The following ACOX1 variants were observed in gnomAD, a reference collection of about 807,000 sequenced individuals.
ACOX1 encodes the protein acyl-CoA oxidase 1.
Under a neutral mutation model 75.5 loss-of-function variants are expected in ACOX1, and 41 were observed. The observed-to-expected ratio is 0.54, with a 90% CI of 0.42 to 0.70. ACOX1 has a LOEUF of 0.70. Ranked by LOEUF, ACOX1 falls within the 30% of genes least tolerant of loss-of-function variation. ACOX1 has a pLI of 0.00. For missense variants in ACOX1, 630 were observed against 837.5 expected (o/e 0.75, Z 3.06); for synonymous variants, 303 against 298.8 (o/e 1.01, Z -0.15).
In ACOX1 at chr17:75,978,089, T is replaced by C. The variant is rs930287814; in HGVS notation, c.269+445A>G. 5.9e-5 allele frequency among the ~76,000 whole-genome samples: 9 copies of C among 151,944 alleles called. No homozygotes were observed. The highest frequency in any genetic ancestry group is 2.2e-4 in the African/African-American group (9 of 41,334). Reference sequence around the variant, plus strand: ...TATTTTTCACACATATAACTTTATTTATTTATTTATTTATTTATTTTTTGA... The same window carrying C: ...TATTTTTCACACATATAACTTTATTCATTTATTTATTTATTTATTTTTTGA... On this transcript the variant is annotated intron_variant, in intron 2 of 13. Coordinates refer to ENST00000293217, the MANE Select transcript of ACOX1 (RefSeq NM_004035.7). This position sits in a 1 kb window ranked among gnomAD's most constrained non-coding sequence, Gnocchi z 4.2.
rs548780787 is a variant in ACOX1 at position 75,949,201 on chromosome 17, C to A, written c.1728+16G>T. 2.2e-5 allele frequency: 35 copies of A among 1,614,072 alleles called. No homozygotes were observed. In the South Asian group the frequency reaches 3.4e-4, roughly 16 times the overall value. On this transcript the variant is annotated intron_variant, in intron 12 of 13. Coordinates refer to ENST00000293217, the MANE Select transcript of ACOX1 (RefSeq NM_004035.7). ...AAAACAACAACAAAAAAGACTTATA[C>A]TTAGAAAATACTGACCTGAAGGAAA...
chr17:75,949,858 C>G lies in ACOX1; in HGVS notation c.1338G>C (p.Lys446Asn). ...MKSYDQVHSG[K>N]LVCGMVSYLN... ...AATAGGACACCATGCCACACACCAA[C>G]TTTCCTGAGTGCACCTGATCATAAC... Residue 446 changes from lysine (K) to asparagine (N), a missense_variant, in exon 10 of 14, where the codon AAG becomes AAC. Physicochemically the swap from Lys to Asn is moderately conservative, Grantham distance 94. Coordinates refer to ENST00000293217, the MANE Select transcript of ACOX1 (RefSeq NM_004035.7). The G allele has an allele frequency of 6.2e-7, 1 of 1,614,236 alleles. No homozygotes were observed. Among genetic ancestry groups the G allele is most frequent in the Non-Finnish European group, 8.5e-7 (1 of 1,180,044 alleles).
chr17:75,948,883 A>C (rs2065747678), intron 12 of ACOX1, among the ~76,000 whole-genome samples: 3 of 140,332 alleles, frequency 2.1e-5, no homozygotes, highest in Non-Finnish European at 4.6e-5. Context: ...TTTTTGAGAC[A>C]GAGTATTGCT....
In ACOX1 at chr17:75,965,295, C is replaced by A. The variant is rs979437019; in HGVS notation, c.270-4920G>T. On this transcript the variant is annotated intron_variant, in intron 2 of 13. Transcript: ENST00000293217. ...GGAGCTGGCAGTGAGCCGAGATCGCCCCACTGCACTCCAGCCTGGGCGACA... is the reference window on the plus strand; with the variant it reads ...GGAGCTGGCAGTGAGCCGAGATCGCACCACTGCACTCCAGCCTGGGCGACA... Among the ~76,000 whole-genome samples the A allele has an allele frequency of 4.1e-5, 6 of 148,018 alleles. No homozygotes were observed. In the South Asian group the frequency reaches 1.3e-3, roughly 32 times the overall value.
chr17:75,956,910 C>CCCCT (rs1229000284), intron 4 of ACOX1, among the ~76,000 whole-genome samples: 3 of 25,036 alleles, frequency 1.2e-4, no homozygotes, highest in South Asian at 1.7e-3. Context: ...GCCTGGCTTT[C>CCCCT]CTCTCTCTCT....
In ACOX1 at chr17:75,957,480, T is replaced by C. The variant is rs748380621; in HGVS notation, c.517A>G (p.Ile173Val). 9.9e-6 allele frequency: 16 copies of C among 1,614,092 alleles called. No homozygotes were observed. Among genetic ancestry groups the C allele is most frequent in the East Asian group, 4.5e-5 (2 of 44,886 alleles). Residue 173 changes from isoleucine to valine, a missense_variant, in exon 4 of 14, where the codon ATT becomes GTT. Ile to Val is a conservative substitution (Grantham distance 29). This residue lies in a region of ACOX1 where 390 missense variants were observed against 574.9 expected (regional missense o/e 0.68). Coordinates refer to ENST00000293217, the MANE Select transcript of ACOX1 (RefSeq NM_004035.7). ...FILNSPTVTS[I>V]KWWPGGLGKT... ...TTACGCCCACCAGGCCACCATTTAA[T>C]GGAGGTCACAGTAGGACTGTTGAGA...
chr17:75,958,352 CAA>C (rs1279952402), intron 3 of ACOX1, among the ~76,000 whole-genome samples: 7 of 66,928 alleles, frequency 1.0e-4, no homozygotes, highest in Non-Finnish European at 1.7e-4. Flanking sequence ...GACTCCATCT[CAA>C]AAAAAAAAAA....
At chr17:75,962,432 C>T (rs549827250) in intron 2 of ACOX1, among the ~76,000 whole-genome samples, 1 of 152,324 alleles carries the variant, frequency 6.6e-6, no homozygotes, top group South Asian at 2.1e-4. Flanking sequence ...CATTTTTCCA[C>T]ATTACTGGTA....
At position 75,943,828 on chromosome 17, in the gene ACOX1, C is replaced by T. The variant is rs1439016030; in HGVS notation, c.*2920G>A. The T allele has an allele frequency of 6.6e-6, 1 of 152,200 alleles. No individual in the cohort carries two copies. Among genetic ancestry groups the T allele is most frequent in the Admixed American group, 6.5e-5 (1 of 15,286 alleles). The allele number at this position is 152,200 out of a possible 1,614,324, so 9.4% of individuals were successfully genotyped here. ...AAGAAAATCCATTGCAAATAGCCAA[C>T]ACATTTCTATTAAACCTCACATTTT... On this transcript the variant is annotated 3_prime_UTR_variant, in exon 14 of 14. Transcript: ENST00000293217.
chr17:75,960,446 T>C lies in ACOX1; in HGVS notation c.270-71A>G. ...GGTGTGAGAGAATCAGCAATTTAAA[T>C]AGAGCAAGGGAAGGAGACAAAAAAA... On this transcript the variant is annotated intron_variant, in intron 2 of 13. Transcript: ENST00000293217. This position sits in a 1 kb window ranked among gnomAD's most constrained non-coding sequence, Gnocchi z 4.4. 5.9e-6 allele frequency: 9 copies of C among 1,527,914 alleles called. No homozygotes were observed. Among genetic ancestry groups the C allele is most frequent in the Non-Finnish European group, 7.1e-6 (8 of 1,119,172 alleles). 94.6% of individuals were successfully genotyped at this position (1,527,914 alleles called of 1,614,324 possible).
At position 75,960,464 on chromosome 17, in the gene ACOX1, C is replaced by CA; in HGVS notation, c.270-90dup. 8 of 1,380,034 alleles carry CA rather than the reference C, an allele frequency of 5.8e-6. No homozygotes were observed. Among genetic ancestry groups the CA allele is most frequent in the South Asian group, 3.7e-5 (3 of 81,482 alleles). The allele number at this position is 1,380,034 out of a possible 1,614,324, so 85.5% of individuals were successfully genotyped here. A position where few individuals can be genotyped will look rare whatever the true frequency, so the allele number is the denominator to read the frequency against. ...ATTTAAATAGAGCAAGGGAAGGAGA[C>CA]AAAAAAACCTTAAGTATGAATTAGT... On this transcript the variant is annotated intron_variant, in intron 2 of 13. Coordinates refer to ENST00000293217, the MANE Select transcript of ACOX1 (RefSeq NM_004035.7). The surrounding 1 kb of genome is among the most constrained non-coding windows in gnomAD (Gnocchi z 4.4).
chr17:75,974,766 C>G (rs377360963), intron 2 of ACOX1, among the ~76,000 whole-genome samples: 7 of 152,208 alleles, frequency 4.6e-5, no homozygotes, highest in African/African-American at 1.7e-4. Flanking sequence ...GGCGCGGTGG[C>G]TCACGCCTGT....
At position 75,949,579 on chromosome 17, in the gene ACOX1, T is replaced by G; in HGVS notation, c.1500A>C (p.Lys500Asn). The G allele has an allele frequency of 6.2e-7, 1 of 1,614,148 alleles. No homozygotes were observed. The highest frequency in any genetic ancestry group is 8.5e-7 in the Non-Finnish European group (1 of 1,180,022). ...RAARLVEIAAKNLQKEVIHRK... is the reference protein window; with the variant it reads ...RAARLVEIAANNLQKEVIHRK... Reference sequence around the variant, plus strand: ...TGTGAATCACTTCTTTTTGAAGGTTTTTTGCAGCAATTTCTACTAATCTGT... The same window carrying G: ...TGTGAATCACTTCTTTTTGAAGGTTGTTTGCAGCAATTTCTACTAATCTGT... The change falls in exon 11 of 14, where the codon AAA becomes AAC. Residue 500 changes from lysine to asparagine, a missense_variant. Physicochemically the swap from Lys to Asn is moderately conservative, Grantham distance 94 (BLOSUM62 0). Around this residue, in one of 2 missense-constraint regions of ACOX1, gnomAD observed 240 missense variants for 262.7 expected, o/e 0.91. Coordinates refer to ENST00000293217, the MANE Select transcript of ACOX1 (RefSeq NM_004035.7).
At chr17:75,963,402 C>CTAAA (rs1358984417) in intron 2 of ACOX1, among the ~76,000 whole-genome samples, 27 of 151,790 alleles carry the variant, frequency 1.8e-4, no homozygotes, top group Non-Finnish European at 8.8e-5. Context: ...ATAGCATGGA[C>CTAAA]TAAAGACTGT....
Position 75,978,484 on chromosome 17 carries a change from C to T in ACOX1, c.269+50G>A. 1 of 1,609,124 alleles carries T rather than the reference C, an allele frequency of 6.2e-7. No individual in the cohort carries two copies. Among genetic ancestry groups the T allele is most frequent in the South Asian group, 1.1e-5 (1 of 90,920 alleles). On this transcript the variant is annotated intron_variant, in intron 2 of 13. Coordinates refer to ENST00000293217, the MANE Select transcript of ACOX1 (RefSeq NM_004035.7). The surrounding 1 kb of genome is among the most constrained non-coding windows in gnomAD (Gnocchi z 4.2). ...GATGAAAGGCCACCATAGACCGCAGCTGTAAAGTTTAGGCTTAACAACACT... is the reference window on the plus strand; with the variant it reads ...GATGAAAGGCCACCATAGACCGCAGTTGTAAAGTTTAGGCTTAACAACACT...
In ACOX1 at chr17:75,979,090, C is replaced by T; in HGVS notation, c.-17G>A. On this transcript the variant is annotated 5_prime_UTR_variant, in exon 1 of 14. Coordinates refer to ENST00000293217, the MANE Select transcript of ACOX1 (RefSeq NM_004035.7). ...CGGGTTCATGGCGACGACCAGCTGG[C>T]AGCGAAGTAAGCACCGACCGAGGTG... is the stretch of plus-strand genomic sequence containing the variant. The T allele has an allele frequency of 6.2e-7, 1 of 1,609,950 alleles. No homozygotes were observed.
At chr17:75,977,140 G>C (rs2066058797) in intron 2 of ACOX1, among the ~76,000 whole-genome samples, 1 of 150,958 alleles carries the variant, frequency 6.6e-6, no homozygotes, top group African/African-American at 2.4e-5. Context: ...TGGGACCCCA[G>C]AAGCGCACCA....
At position 75,949,782 on chromosome 17, in the gene ACOX1, G is replaced by C; in HGVS notation, c.1414C>G (p.Pro472Ala). 1.2e-6 allele frequency: 2 copies of C among 1,614,140 alleles called. No homozygotes were observed. The highest frequency in any genetic ancestry group is 1.7e-6 in the Non-Finnish European group (2 of 1,180,038). Reference sequence around the variant, plus strand: ...GGGCTGTTGATATCCACCATGGTTGGCCAGACTGCTACCTGCTGTGGCTGG... The same window carrying C: ...GGGCTGTTGATATCCACCATGGTTGCCCAGACTGCTACCTGCTGTGGCTGG... ...RIQPQQVAVW[P>A]TMVDINSPES... The change falls in exon 10 of 14, where the codon CCA becomes GCA. Residue 472 changes from proline to alanine, a missense_variant. Around this residue, in one of 2 missense-constraint regions of ACOX1, gnomAD observed 240 missense variants for 262.7 expected, o/e 0.91. Coordinates refer to ENST00000293217, the MANE Select transcript of ACOX1 (RefSeq NM_004035.7).
intron 2 of ACOX1, among the ~76,000 whole-genome samples, chr17:75,972,924 T>C (rs925043127): frequency 6.6e-6 from 1 of 152,220 alleles, no homozygotes; most frequent in African/African-American, 2.4e-5. Flanking sequence ...TCCTGCCATT[T>C]TGATAATTAG....
Sources: gnomAD v4.1 joint callset for allele counts (sites outside exome capture counted in the v4.1 genomes callset) on GRCh38, gnomAD v4.1.1 for gene constraint, gnomAD v4.1.1 regional missense constraint, Gnocchi (gnomAD v3.1) non-coding constraint, MANE v1.5 for transcripts, NCBI Gene and HGNC (gene_info 2026-07-23, HGNC 2026-07-21) for gene names.